The following RMDN2 variants were observed in gnomAD, a reference collection of about 807,000 sequenced individuals.
RMDN2 encodes the protein regulator of microtubule dynamics protein 2.
RMDN2 carries 61 observed loss-of-function variants against 52.8 expected under a neutral mutation model. The observed-to-expected ratio is 1.16, with a 90% confidence interval of 0.94 to 1.43. The LOEUF is 1.43. Among genes scored for constraint, RMDN2 ranks in the 40% most tolerant of loss-of-function variants. The pLI is 0.00. For missense variants in RMDN2, 592 were observed against 475.3 expected, an observed-to-expected ratio of 1.25 and a Z score of -2.28; for synonymous variants, 180 against 153.1, an observed-to-expected ratio of 1.18 and a Z score of -1.30.
intron 2 of RMDN2, among the ~76,000 whole-genome samples, chr2:37,949,199 C>T (rs2124950895): frequency 6.6e-6 from 1 of 152,270 alleles, no homozygotes; most frequent in South Asian, 2.1e-4. Flanking sequence ...CATCTTGCTA[C>T]ATGAGCCATA....
intron 2 of RMDN2, among the ~76,000 whole-genome samples, chr2:37,932,650 C>T (rs1435563952): frequency 6.6e-5 from 10 of 150,392 alleles, no homozygotes; most frequent in African/African-American, 2.2e-4. Flanking sequence ...CGGGCAGAGG[C>T]GCCCCTCACC....
At chr2:38,056,060 T>C (rs1299751395) in intron 10 of RMDN2, among the ~76,000 whole-genome samples, 2 of 152,188 alleles carry the variant, frequency 1.3e-5, no homozygotes, top group African/African-American at 4.8e-5. Context: ...CCACCTCACC[T>C]GGATCATTGC....
In RMDN2 at chr2:37,942,330, A is replaced by C. The variant is rs141933689; in HGVS notation, c.452+12601A>C. On this transcript the variant is annotated intron_variant, in intron 2 of 10. Transcript: ENST00000354545. ...GGTCTTGCTGGATGCTGCAGACTGG[A>C]GCTGTTTCTATTCGACCATCTTGCC... Among the ~76,000 whole-genome samples, 378 of 151,984 alleles carry C rather than the reference A, an allele frequency of 2.5e-3. 1 individual carries two copies. Among genetic ancestry groups the C allele is most frequent in the African/African-American group, 8.4e-3 (347 of 41,330 alleles).
intron 10 of RMDN2, among the ~76,000 whole-genome samples, chr2:38,010,355 C>G (rs1009865444): frequency 6.6e-6 from 1 of 152,220 alleles, no homozygotes; most frequent in Non-Finnish European, 1.5e-5. Flanking sequence ...GTGGTGGGCT[C>G]CACCTAATTC....
At chr2:38,054,288 C>G (rs982190710) in intron 10 of RMDN2, among the ~76,000 whole-genome samples, 6 of 152,046 alleles carry the variant, frequency 3.9e-5, no homozygotes, top group Admixed American at 2.0e-4. Flanking sequence ...CTGATGAACA[C>G]AAAAAAGATG....
downstream of RMDN2, among the ~76,000 whole-genome samples, chr2:38,021,928 C>A (rs1374098925): frequency 5.3e-5 from 8 of 152,232 alleles, no homozygotes; most frequent in African/African-American, 1.9e-4. Flanking sequence ...TTAGGGACCC[C>A]TGCTATAGAG....
At chr2:37,978,595 G>A (rs1203304099) in intron 4 of RMDN2, among the ~76,000 whole-genome samples, 1 of 152,146 alleles carries the variant, frequency 6.6e-6, no homozygotes, top group Non-Finnish European at 1.5e-5. Flanking sequence ...GGAGGCCAAG[G>A]CGGGCAGATA....
intron 10 of RMDN2, 48 bp from the exon 11 acceptor site, chr2:38,017,138 C>A: frequency 1.6e-6 from 2 of 1,219,850 alleles, no homozygotes; most frequent in South Asian, 1.5e-5. Context: ...GCTAGAGTAT[C>A]AAGATGAATG....
At chr2:38,032,135 A>C (rs1407911777) in intron 10 of RMDN2, among the ~76,000 whole-genome samples, 2 of 152,222 alleles carry the variant, frequency 1.3e-5, no homozygotes, top group Admixed American at 1.3e-4. Flanking sequence ...CACAAATTTT[A>C]ATTGTACAGT....
chr2:37,997,309 C>T, intron 7 of RMDN2, 107 bp from the exon 8 acceptor site: 1 of 690,034 alleles, frequency 1.4e-6, no homozygotes, highest in Non-Finnish European at 2.6e-6. Flanking sequence ...TATATCTATA[C>T]ACACACACAC....
At chr2:38,006,963 CAT>C (rs1677186750) in intron 10 of RMDN2, among the ~76,000 whole-genome samples, 2 of 152,104 alleles carry the variant, frequency 1.3e-5, no homozygotes, top group Admixed American at 6.5e-5. Flanking sequence ...TTGAGATAAT[CAT>C]ATGTTTTTTG....
chr2:37,936,339 T>A lies in RMDN2; in HGVS notation c.452+6610T>A, dbSNP rs186591470. On this transcript the variant is annotated intron_variant, in intron 2 of 10. Coordinates refer to ENST00000354545, the MANE Select transcript of RMDN2 (RefSeq NM_001170791.3). ...TCCAAGTCTTTGCTATTGTGAATAG[T>A]GCTGCAATAAACATACGTGTGCGTG... 1.2e-4 allele frequency among the ~76,000 whole-genome samples: 19 copies of A among 152,352 alleles called. No individual in the cohort carries two copies. In the East Asian group the frequency reaches 2.7e-3, roughly 22 times the overall value.
upstream of RMDN2, among the ~76,000 whole-genome samples, chr2:37,925,154 C>T (rs1666162518): frequency 6.6e-6 from 1 of 152,126 alleles, no homozygotes; most frequent in Admixed American, 6.5e-5. Flanking sequence ...CCAGGCGCCC[C>T]GCGACGTGCA....
intron 10 of RMDN2, among the ~76,000 whole-genome samples, chr2:38,048,714 CCTTTGGGACTGAT>C (rs1681418821): frequency 6.6e-6 from 1 of 152,180 alleles, no homozygotes; most frequent in Non-Finnish European, 1.5e-5. Context: ...AAATCTGCTA[CCTTTGGGACTGAT>C]CTGCAGAAGA....
intron 10 of RMDN2, among the ~76,000 whole-genome samples, chr2:38,006,982 G>C (rs577364564): frequency 6.6e-6 from 1 of 152,052 alleles, no homozygotes; most frequent in Non-Finnish European, 1.5e-5. Flanking sequence ...TTTGTCCTTG[G>C]TTCTGTTTAT....
chr2:38,036,497 C>A (rs1680589352), intron 10 of RMDN2: 1 of 152,186 alleles, frequency 6.6e-6, no homozygotes, highest in Non-Finnish European at 1.5e-5. Context: ...ATACCCCTCC[C>A]CAAGAGAAAT....
intron 2 of RMDN2, chr2:37,951,534 T>G (rs1452259795): frequency 1.2e-6 from 2 of 1,612,310 alleles, no homozygotes; most frequent in African/African-American, 2.7e-5. Flanking sequence ...AGACACAGGC[T>G]TCACTGATAT....
chr2:37,968,112 A>G (rs1373477114), intron 2 of RMDN2, among the ~76,000 whole-genome samples: 1 of 152,184 alleles, frequency 6.6e-6, no homozygotes, highest in Non-Finnish European at 1.5e-5. Flanking sequence ...GGTCTCCCAC[A>G]AAGATATTTC....
chr2:38,004,403 A>G (rs560482898), intron 10 of RMDN2, among the ~76,000 whole-genome samples, 187 bp downstream of exon 10: 12 of 152,370 alleles, frequency 7.9e-5, no homozygotes, highest in South Asian at 4.1e-4. Context: ...TTTGATAGAC[A>G]TATACATTAT....
Sources: gnomAD v4.1 joint callset for allele counts (sites outside exome capture counted in the v4.1 genomes callset) on GRCh38, gnomAD v4.1.1 for gene constraint, MANE v1.5 for transcripts, NCBI Gene and HGNC (gene_info 2026-07-23, HGNC 2026-07-21) for gene names.